KANK1: variants seen among roughly 807,000 people sequenced by gnomAD.
The protein encoded by KANK1 is KN motif and ankyrin repeat domains 1.
In KANK1, 109 loss-of-function variants were observed where a neutral mutation model predicts 106.2. That is an observed-to-expected ratio of 1.03 (90% CI 0.88 to 1.20). The LOEUF is 1.20. KANK1 is among the 50% of genes most tolerant of loss of function. The probability of loss-of-function intolerance (pLI) is 0.00; values close to 1 mark genes in which losing one functional copy is unlikely to be tolerated. For synonymous variants in KANK1, 873 were observed against 652.2 expected (o/e 1.34, Z -5.16); for missense variants, 2,399 against 1,710.7 (o/e 1.40, Z -7.10).
chr9:667,359 A>G (rs1356099059), intron 1 of KANK1, among the ~76,000 whole-genome samples: 1 of 151,734 alleles, frequency 6.6e-6, no homozygotes, highest in East Asian at 1.9e-4. Context: ...TTTTTTAACT[A>G]AACTTTTGTT....
upstream of KANK1, among the ~76,000 whole-genome samples, chr9:504,385 G>T (rs553840663): frequency 1.6e-4 from 24 of 151,958 alleles, no homozygotes; most frequent in African/African-American, 5.8e-4. Flanking sequence ...GGTGCCCCGC[G>T]GGCCTGGTGG....
chr9:714,596 G>C (rs553591258), intron 3 of KANK1, among the ~76,000 whole-genome samples: 55 of 152,134 alleles, frequency 3.6e-4, no homozygotes, highest in African/African-American at 1.3e-3. Flanking sequence ...GACCTCAGGT[G>C]ATCTACCCAC....
intron 1 of KANK1, among the ~76,000 whole-genome samples, chr9:602,350 C>T (rs1308236553): frequency 6.6e-6 from 1 of 151,804 alleles, no homozygotes; most frequent in Non-Finnish European, 1.5e-5. Context: ...ACCTCCCGCT[C>T]CTGGGTTCAA....
rs201883666 is a variant in KANK1, at chr9:609,633, AAAAT to A, written c.-83-67245_-83-67242del. On this transcript the variant is annotated intron_variant, in intron 1 of 11. Transcript: ENST00000382297. The stretch of plus-strand genomic sequence containing the variant: ...TGACAAGAGTGAGACGCTGTCCCAA[AAAAT>A]AAATAAATAAAATAAAATAATGAAT... Among the ~76,000 whole-genome samples, 716 of 152,278 alleles carry A rather than the reference AAAAT, an allele frequency of 4.7e-3. 4 individuals are homozygous for A. Among genetic ancestry groups the A allele is most frequent in the African/African-American group, 0.016 (656 of 41,536 alleles).
chr9:626,254 G>A (rs1175390202), intron 1 of KANK1, among the ~76,000 whole-genome samples: 8 of 151,998 alleles, frequency 5.3e-5, no homozygotes, highest in African/African-American at 9.7e-5. Context: ...ATCTGAGGTC[G>A]GGAGTGACTG....
At chr9:683,181 T>A (rs943454417) in intron 2 of KANK1, among the ~76,000 whole-genome samples, 4 of 152,172 alleles carry the variant, frequency 2.6e-5, no homozygotes, top group Non-Finnish European at 4.4e-5. Context: ...GTTTGCTGAT[T>A]AGAAACTATG....
chr9:527,537 G>A (rs1338335882), intron 1 of KANK1, among the ~76,000 whole-genome samples: 1 of 151,540 alleles, frequency 6.6e-6, no homozygotes, highest in African/African-American at 2.4e-5. Context: ...CTGACCTCAG[G>A]TGATCTGCCC....
intron 1 of KANK1, among the ~76,000 whole-genome samples, chr9:541,591 A>T (rs1208765965): frequency 6.6e-6 from 1 of 152,322 alleles, no homozygotes; most frequent in African/African-American, 2.4e-5. Context: ...CCTCAAAAGT[A>T]TCACAGAAGC....
rs761636518 is a variant in KANK1, at chr9:732,421, T to C, written c.3049T>C (p.Ser1017Pro). 3.1e-6 allele frequency: 5 copies of C among 1,614,080 alleles called. No homozygotes were observed. The highest frequency in any genetic ancestry group is 4.2e-6 in the Non-Finnish European group (5 of 1,179,976). The change falls in exon 6 of 12, where the codon TCT (serine) becomes CCT (proline). Residue 1017 changes from serine (S) to proline (P), a missense_variant. Coordinates refer to ENST00000382297, the MANE Select transcript of KANK1 (RefSeq NM_015158.5). Reference sequence around the variant, plus strand: ...TGATGATTCCAGCTCAGATGAAAGCTCTTCTTCCGAGTCAGATGACGAGTG... The same window carrying C: ...TGATGATTCCAGCTCAGATGAAAGCCCTTCTTCCGAGTCAGATGACGAGTG... ...SSDDSSSDES[S>P]SSESDDECDV... is the part of the protein sequence containing the mutation.
At chr9:522,773 T>A (rs1382590074) in intron 1 of KANK1, among the ~76,000 whole-genome samples, 1 of 151,714 alleles carries the variant, frequency 6.6e-6, no homozygotes, top group African/African-American at 2.4e-5. Context: ...AGCTTAGCAA[T>A]GTGTGCCTGC....
At chr9:669,796 T>G (rs1188975071) in intron 1 of KANK1, among the ~76,000 whole-genome samples, 1 of 152,176 alleles carries the variant, frequency 6.6e-6, no homozygotes, top group Non-Finnish European at 1.5e-5. Context: ...TGTTATTATT[T>G]ATTGAGTAAG....
rs981741265 is a variant in KANK1 at position 745,771 on chromosome 9, G to T, written c.*536G>T. ...ACTTACAAAAGAATATTCTCATTTGGTCTTAACTAGGTAGATGTAATATAT... is the reference window on the plus strand; with the variant it reads ...ACTTACAAAAGAATATTCTCATTTGTTCTTAACTAGGTAGATGTAATATAT... On this transcript the variant is annotated 3_prime_UTR_variant, in exon 12 of 12. Transcript: ENST00000382297. The T allele has an allele frequency of 2.6e-5, 4 of 152,638 alleles. No individual in the cohort carries two copies. The highest frequency in any genetic ancestry group is 5.9e-5 in the Non-Finnish European group (4 of 68,100). 9.5% of individuals were successfully genotyped at this position (152,638 alleles called of 1,614,324 possible).
At chr9:699,018 C>T (rs1821996264) in intron 2 of KANK1, among the ~76,000 whole-genome samples, 1 of 152,124 alleles carries the variant, frequency 6.6e-6, no homozygotes, top group South Asian at 2.1e-4. Context: ...TTGCAAAGTC[C>T]TCTTCCCAGT....
chr9:612,179 G>T (rs1387732127), intron 1 of KANK1, among the ~76,000 whole-genome samples: 1 of 152,166 alleles, frequency 6.6e-6, no homozygotes, highest in Non-Finnish European at 1.5e-5. Flanking sequence ...GAAACTATCT[G>T]TTGTTTTGTG....
chr9:520,843 G>C (rs886437481), intron 1 of KANK1, among the ~76,000 whole-genome samples: 7 of 151,672 alleles, frequency 4.6e-5, no homozygotes, highest in Non-Finnish European at 1.0e-4. Flanking sequence ...TTTTAATCAA[G>C]AAGTTACACT....
chr9:712,914 A>G lies in KANK1; in HGVS notation c.2148A>G (p.Thr716=), dbSNP rs113000552. ...GCACCCAGACTGTGGAGACGCGGACAGTAGCTGTAGGAGAAGGCCGTGTCA... is the reference window on the plus strand; with the variant it reads ...GCACCCAGACTGTGGAGACGCGGACGGTAGCTGTAGGAGAAGGCCGTGTCA... ...QTSTQTVETR[T]VAVGEGRVKD... The change falls in exon 3 of 12, where the codon ACA becomes ACG. Residue 716 remains threonine (T), a synonymous_variant. Transcript: ENST00000382297. The G allele has an allele frequency of 6.2e-6, 10 of 1,614,178 alleles. No homozygotes were observed. The highest frequency in any genetic ancestry group is 2.7e-5 in the African/African-American group (2 of 75,052).
chr9:589,690 A>C (rs1824362618), intron 1 of KANK1, among the ~76,000 whole-genome samples: 1 of 152,186 alleles, frequency 6.6e-6, no homozygotes, highest in Non-Finnish European at 1.5e-5. Context: ...AGGTGATTTG[A>C]AATAGAAAGG....
intron 1 of KANK1, among the ~76,000 whole-genome samples, chr9:659,217 G>T (rs1842789067): frequency 6.6e-6 from 1 of 152,192 alleles, no homozygotes; most frequent in Admixed American, 6.5e-5. Flanking sequence ...CTTCCTGGGG[G>T]ATGTTTTCTA....
intron 1 of KANK1, among the ~76,000 whole-genome samples, chr9:667,000 A>ATTT (rs34529109): frequency 5.8e-5 from 8 of 138,052 alleles, no homozygotes; most frequent in South Asian, 4.6e-4. Context: ...TTCCTCTTCA[A>ATTT]TTTTTTTTTT....
Sources: gnomAD v4.1 joint callset for allele counts (sites outside exome capture counted in the v4.1 genomes callset) on GRCh38, gnomAD v4.1.1 for gene constraint, MANE v1.5 for transcripts, NCBI Gene and HGNC (gene_info 2026-07-23, HGNC 2026-07-21) for gene names.